The following SOX5 variants were observed in gnomAD, a reference collection of about 807,000 sequenced individuals.
The protein encoded by SOX5 is SRY-box transcription factor 5, also known as transcription factor SOX-5.
A neutral mutation model predicts 92.0 loss-of-function variants in SOX5; 9 were observed. The ratio of observed to expected loss-of-function variants is 0.10; its 90% CI spans 0.06 to 0.17. SOX5 has a LOEUF of 0.17. Ranked by LOEUF, SOX5 falls within the 10% of genes least tolerant of loss-of-function variation. The pLI, the probability that SOX5 is intolerant of heterozygous loss-of-function variation, is 1.00. For synonymous variants in SOX5, 344 were observed against 336.3 expected (o/e 1.02, Z -0.25); for missense variants, 642 against 944.5 (o/e 0.68, Z 4.20).
At chr12:24,545,945 TCTC>T (rs1476906513) in intron 1 of SOX5, among the ~76,000 whole-genome samples, 1 of 152,038 alleles carries the variant, frequency 6.6e-6, no homozygotes, top group East Asian at 1.9e-4. Context: ...ACAGTCAACA[TCTC>T]CTCCTATCCG....
intron 3 of SOX5, among the ~76,000 whole-genome samples, chr12:24,226,865 T>C (rs1962140665): frequency 8.7e-6 from 1 of 115,266 alleles, no homozygotes; most frequent in South Asian, 3.0e-4. Flanking sequence ...AATGAATGAA[T>C]GAATGAATGA....
chr12:23,595,618 CAAAAAAAA>C lies in SOX5; in HGVS notation c.1164+8761_1164+8768del, dbSNP rs747265656. On this transcript the variant is annotated intron_variant, in intron 9 of 14. Transcript: ENST00000451604. ...TGGGCCACAGAGTGAGACTCTGCCT[CAAAAAAAA>C]AAAAAAAAAAAAAAAAAAAATGTGA... 1.3e-4 allele frequency among the ~76,000 whole-genome samples: 6 copies of C among 46,310 alleles called. No homozygotes were observed. In the East Asian group the frequency reaches 1.9e-3, roughly 15 times the overall value. 30.4% of individuals were successfully genotyped at this position (46,310 alleles called of 152,430 possible).
chr12:23,644,353 C>A lies in SOX5; in HGVS notation c.932-3456G>T, dbSNP rs1028207898. Among the ~76,000 whole-genome samples, 11 of 152,192 alleles carry A rather than the reference C, an allele frequency of 7.2e-5. No homozygotes were observed. The East Asian group carries it at 1.3e-3, about 19-fold the overall frequency. On this transcript the variant is annotated intron_variant, in intron 7 of 14. Transcript: ENST00000451604. The stretch of plus-strand genomic sequence containing the variant: ...ATACCTGGACTACAGTGGGAAAGAT[C>A]CGGAGCCAGAGGTACCCAGCATGGC...
intron 6 of SOX5, among the ~76,000 whole-genome samples, chr12:23,705,033 C>T (rs2091213555): frequency 6.6e-6 from 1 of 151,784 alleles, no homozygotes. Context: ...GTTAACTAAA[C>T]TTTTCAAATA....
chr12:24,306,088 C>T (rs576034524), intron 2 of SOX5, among the ~76,000 whole-genome samples: 1 of 152,288 alleles, frequency 6.6e-6, no homozygotes, highest in South Asian at 2.1e-4. Context: ...TTGTGTATCA[C>T]TCTCTGCTTA....
intron 2 of SOX5, among the ~76,000 whole-genome samples, chr12:24,349,343 G>A (rs117376758): frequency 6.6e-6 from 1 of 152,146 alleles, no homozygotes; most frequent in Non-Finnish European, 1.5e-5. Flanking sequence ...GTCACATTAA[G>A]TACATTCATA....
intron 1 of SOX5, among the ~76,000 whole-genome samples, chr12:24,398,745 C>A (rs368053805): frequency 2.0e-5 from 3 of 152,196 alleles, no homozygotes; most frequent in Admixed American, 2.0e-4. Context: ...GATAAACCCA[C>A]ATCCTCTGCT....
chr12:23,929,375 TC>T (rs1467841878), intron 1 of SOX5, among the ~76,000 whole-genome samples: 1 of 151,954 alleles, frequency 6.6e-6, no homozygotes, highest in East Asian at 1.9e-4. Context: ...CTTCATTATC[TC>T]CCACCCTCAT....
intron 8 of SOX5, among the ~76,000 whole-genome samples, chr12:23,632,405 G>A (rs960616689): frequency 2.6e-5 from 4 of 152,024 alleles, no homozygotes; most frequent in African/African-American, 9.7e-5. Flanking sequence ...AGGTAAAGAT[G>A]AACACTTAAC....
At chr12:24,194,423 AGGTAGGTATGTAGG>A (rs1956817423) in intron 4 of SOX5, among the ~76,000 whole-genome samples, 1 of 103,706 alleles carries the variant, frequency 9.6e-6, no homozygotes, top group African/African-American at 5.2e-5. Context: ...GTAGGTAGGT[AGGTAGGTATGTAGG>A]TAGGTAGGTA....
At chr12:23,661,159 T>C (rs10505902) in intron 7 of SOX5, among the ~76,000 whole-genome samples, 2,433 of 152,340 alleles carry the variant, frequency 0.016, 58 homozygotes, top group African/African-American at 0.056. Flanking sequence ...TATCGGATTT[T>C]GCCAATCATG....
intron 1 of SOX5, among the ~76,000 whole-genome samples, chr12:24,378,770 CAG>C (rs1280539923): frequency 6.6e-6 from 1 of 152,284 alleles, no homozygotes; most frequent in East Asian, 1.9e-4. Context: ...GAAGCATAAA[CAG>C]AGCACAGCTG....
At chr12:23,756,256 T>A (rs1008738522) in intron 3 of SOX5, among the ~76,000 whole-genome samples, 6 of 150,780 alleles carry the variant, frequency 4.0e-5, no homozygotes, top group Non-Finnish European at 5.9e-5. Flanking sequence ...AAAAAAAAAA[T>A]TGGTATAAAA....
chr12:24,144,405 T>A (rs1950871823), intron 4 of SOX5, among the ~76,000 whole-genome samples: 1 of 152,188 alleles, frequency 6.6e-6, no homozygotes, highest in South Asian at 2.1e-4. Flanking sequence ...GTTATAAGCT[T>A]TTCTAATTTA....
intron 4 of SOX5, among the ~76,000 whole-genome samples, chr12:24,106,116 T>G (rs1946635217): frequency 6.6e-6 from 1 of 151,832 alleles, no homozygotes. Context: ...AAAGGCAATG[T>G]TACAAAATGA....
At chr12:23,834,465 A>C (rs2096381310) in intron 3 of SOX5, among the ~76,000 whole-genome samples, 1 of 151,912 alleles carries the variant, frequency 6.6e-6, no homozygotes, top group South Asian at 2.1e-4. Flanking sequence ...TTTTAAGATA[A>C]GAACTTATAC....
chr12:24,176,358 C>T (rs1025877638), intron 4 of SOX5, among the ~76,000 whole-genome samples: 1 of 151,892 alleles, frequency 6.6e-6, no homozygotes, highest in Non-Finnish European at 1.5e-5. Context: ...CAAAACAAAA[C>T]AAAATTCAAA....
chr12:23,626,481 G>A (rs944175513), intron 8 of SOX5, among the ~76,000 whole-genome samples: 2 of 152,004 alleles, frequency 1.3e-5, no homozygotes, highest in African/African-American at 4.8e-5. Flanking sequence ...CTTCAGTGCT[G>A]GCTTGACAAT....
intron 6 of SOX5, among the ~76,000 whole-genome samples, chr12:23,719,302 T>C (rs2092680136): frequency 6.6e-6 from 1 of 152,206 alleles, no homozygotes; most frequent in Non-Finnish European, 1.5e-5. Context: ...TAACATTTTA[T>C]CTTATGTTGG....
Sources: allele counts gnomAD v4.1 joint callset (sites outside exome capture counted in the v4.1 genomes callset), GRCh38; gene constraint gnomAD v4.1.1; transcripts MANE v1.5; gene names NCBI Gene and HGNC (gene_info 2026-07-23, HGNC 2026-07-21).